Variants in TENM3 observed in about 807,000 individuals in gnomAD.
TENM3 encodes teneurin-3.
A neutral mutation model predicts 255.1 loss-of-function variants in TENM3; 63 were observed. The observed-to-expected ratio is 0.25, with a 90% CI of 0.20 to 0.30. The LOEUF (loss-of-function observed/expected upper bound fraction) is 0.30. Ranked by LOEUF, TENM3 falls within the 10% of genes least tolerant of loss-of-function variation. TENM3 has a pLI of 1.00. For synonymous variants in TENM3, 1,306 were observed against 1,322.3 expected (o/e 0.99, Z 0.27); for missense variants, 2,929 against 3,461.1 (o/e 0.85, Z 3.86).
the TENM3 span, among the ~76,000 whole-genome samples, chr4:181,463,333 AT>A: frequency 6.6e-6 from 1 of 152,176 alleles, no homozygotes; most frequent in Admixed American, 6.5e-5. Context: ...CATGTGTCCT[AT>A]TTTATCTTGC....
Position 182,526,575 on chromosome 4 carries a change from T to G in TENM3, c.512-74349T>G, listed in dbSNP as rs150697709. On this transcript the variant is annotated intron_variant, in intron 3 of 27. Transcript: ENST00000511685. ...AGAAAATAGTGGGAAGGAAGAATAT[T>G]ACTTTGTTTAGTGTCTGCAACCCTC... Among the ~76,000 whole-genome samples, 10 of 152,152 alleles carry G rather than the reference T, an allele frequency of 6.6e-5. 1 individual carries two copies. The highest frequency in any genetic ancestry group is 6.3e-3 in the Middle Eastern group (2 of 316).
the TENM3 span, chr4:182,079,961 G>T: frequency 1.8e-4 from 27 of 152,268 alleles, no homozygotes; most frequent in African/African-American, 5.5e-4. Context: ...TCCTCCCACA[G>T]CTTCACGCAA....
chr4:182,153,686 ATTC>A (rs1750498231), intron 1 of TENM3, among the ~76,000 whole-genome samples: 1 of 152,170 alleles, frequency 6.6e-6, no homozygotes, highest in African/African-American at 2.4e-5. Flanking sequence ...CCATCAGTTA[ATTC>A]TTCTCACATT....
chr4:182,092,316 C>A, the TENM3 span, among the ~76,000 whole-genome samples: 57 of 151,172 alleles, frequency 3.8e-4, no homozygotes, highest in African/African-American at 1.3e-3. Context: ...GCCTGGGCAA[C>A]AAATAGCCTG....
At chr4:181,652,925 C>G in the TENM3 span, among the ~76,000 whole-genome samples, 1 of 152,156 alleles carries the variant, frequency 6.6e-6, no homozygotes, top group South Asian at 2.1e-4. Context: ...TAAAATTCTT[C>G]TCTTTTGTGA....
chr4:181,719,962 ATTT>A, the TENM3 span, among the ~76,000 whole-genome samples: 1 of 152,244 alleles, frequency 6.6e-6, no homozygotes, highest in Admixed American at 6.5e-5. Context: ...TGCATGTTTC[ATTT>A]GTTTTATATT....
At chr4:181,985,266 C>T in the TENM3 span, among the ~76,000 whole-genome samples, 1 of 151,720 alleles carries the variant, frequency 6.6e-6, no homozygotes, top group African/African-American at 2.4e-5. Context: ...TCACATGGCC[C>T]CTAAAAACAT....
At chr4:182,404,241 T>C (rs1196415908) in intron 3 of TENM3, among the ~76,000 whole-genome samples, 1 of 152,182 alleles carries the variant, frequency 6.6e-6, no homozygotes, top group Non-Finnish European at 1.5e-5. Context: ...TATAAAGTTC[T>C]TAACAGTTTT....
At chr4:181,561,368 A>G in the TENM3 span, among the ~76,000 whole-genome samples, 6 of 152,216 alleles carry the variant, frequency 3.9e-5, no homozygotes, top group Non-Finnish European at 7.3e-5. Flanking sequence ...TATGAAATTG[A>G]AATTGAAATT....
the TENM3 span, among the ~76,000 whole-genome samples, chr4:181,884,833 A>G: frequency 6.6e-6 from 1 of 152,144 alleles, no homozygotes; most frequent in African/African-American, 2.4e-5. Context: ...GCTGACCTCA[A>G]GGTTTTCCTT....
chr4:182,315,212 A>G (rs1762684191), intron 1 of TENM3, among the ~76,000 whole-genome samples: 1 of 152,162 alleles, frequency 6.6e-6, no homozygotes, highest in Non-Finnish European at 1.5e-5. Flanking sequence ...TTAACCACAT[A>G]CCATTTTCAA....
chr4:182,304,075 A>C (rs1337636608), intron 1 of TENM3, among the ~76,000 whole-genome samples: 3 of 151,982 alleles, frequency 2.0e-5, no homozygotes, highest in Admixed American at 1.3e-4. Flanking sequence ...AGTATTCGAG[A>C]GGAAAATTTA....
chr4:182,170,648 A>G (rs1277580369), intron 1 of TENM3, among the ~76,000 whole-genome samples: 2 of 152,166 alleles, frequency 1.3e-5, no homozygotes, highest in African/African-American at 2.4e-5. Flanking sequence ...AGTTTAGTGT[A>G]TAATTATTAC....
intron 13 of TENM3, among the ~76,000 whole-genome samples, chr4:182,719,707 AAGAT>A (rs1759545895): frequency 2.0e-5 from 3 of 152,154 alleles, no homozygotes; most frequent in South Asian, 4.1e-4. Flanking sequence ...AGAAATAAGA[AAGAT>A]AGAAATAAGA....
At chr4:181,800,273 G>A in the TENM3 span, among the ~76,000 whole-genome samples, 4 of 152,056 alleles carry the variant, frequency 2.6e-5, no homozygotes, top group Admixed American at 1.3e-4. Flanking sequence ...AAACTATTCC[G>A]AAAACAATTA....
the TENM3 span, among the ~76,000 whole-genome samples, chr4:181,588,742 A>C: frequency 2.6e-5 from 4 of 152,218 alleles, no homozygotes; most frequent in Non-Finnish European, 5.9e-5. Context: ...AAATACAAGG[A>C]AACTGCATTC....
chr4:182,286,152 T>C (rs1760714989), intron 1 of TENM3, among the ~76,000 whole-genome samples: 2 of 152,208 alleles, frequency 1.3e-5, no homozygotes, highest in African/African-American at 2.4e-5. Flanking sequence ...TTGCTGGGTA[T>C]TGCCAAGGGT....
intron 1 of TENM3, chr4:182,144,999 C>T (rs1002074580): frequency 2.0e-5 from 3 of 152,078 alleles, no homozygotes; most frequent in African/African-American, 4.8e-5. Context: ...GCCTCTCGCC[C>T]GGGGAGCCAG....
At chr4:182,784,497 C>T (rs1360029432) in intron 24 of TENM3, among the ~76,000 whole-genome samples, 2 of 151,534 alleles carry the variant, frequency 1.3e-5, no homozygotes, top group Non-Finnish European at 2.9e-5. Context: ...GAGGTTACTG[C>T]TGTCTTTTTG....
Sources: gnomAD v4.1 joint callset for allele counts (sites outside exome capture counted in the v4.1 genomes callset) on GRCh38, gnomAD v4.1.1 for gene constraint, MANE v1.5 for transcripts, NCBI Gene and HGNC (gene_info 2026-07-23, HGNC 2026-07-21) for gene names.